The following ADGRL2 variants were observed in gnomAD, a reference collection of about 807,000 sequenced individuals.
The protein encoded by ADGRL2 is calcium-independent alpha-latrotoxin receptor 2.
A neutral mutation model predicts 157.4 loss-of-function variants in ADGRL2; 44 were observed. The ratio of observed to expected loss-of-function variants is 0.28; its 90% CI spans 0.22 to 0.36. The LOEUF (loss-of-function observed/expected upper bound fraction) is 0.36. Among genes scored for constraint, ADGRL2 ranks in the 10% least tolerant of loss-of-function variants. The probability of loss-of-function intolerance (pLI) is 1.00; values close to 1 mark genes in which losing one functional copy is unlikely to be tolerated. For synonymous variants in ADGRL2, 585 were observed against 624.7 expected (o/e 0.94, Z 0.95); for missense variants, 1,510 against 1,768.9 (o/e 0.85, Z 2.63).
intron 3 of ADGRL2, among the ~76,000 whole-genome samples, chr1:81,618,132 A>G (rs2081704853): frequency 6.6e-6 from 1 of 152,186 alleles, no homozygotes; most frequent in Non-Finnish European, 1.5e-5. Context: ...CAGGGAAAGT[A>G]AAACATCATT....
chr1:81,547,969 C>T (rs2080058376), intron 2 of ADGRL2, among the ~76,000 whole-genome samples: 2 of 152,174 alleles, frequency 1.3e-5, no homozygotes, highest in Admixed American at 6.5e-5. Context: ...TTAATTCTTA[C>T]AACAACCCTG....
At chr1:81,607,304 A>G (rs1459446618) in intron 3 of ADGRL2, among the ~76,000 whole-genome samples, 1 of 152,234 alleles carries the variant, frequency 6.6e-6, no homozygotes, top group East Asian at 1.9e-4. Context: ...CAGCAAATGC[A>G]TTAGGCTCTG....
intron 2 of ADGRL2, among the ~76,000 whole-genome samples, chr1:81,840,239 A>G (rs1247029407): frequency 6.6e-6 from 1 of 152,112 alleles, no homozygotes; most frequent in Non-Finnish European, 1.5e-5. Flanking sequence ...TTTCAGTAGA[A>G]ATCAAACATT....
chr1:81,395,014 T>G (rs1175971041), intron 1 of ADGRL2, among the ~76,000 whole-genome samples: 3 of 152,084 alleles, frequency 2.0e-5, no homozygotes, highest in Non-Finnish European at 4.4e-5. Context: ...TTCTCATGCT[T>G]TAGCCTCCCG....
At chr1:81,364,405 T>A (rs2076028769) in intron 1 of ADGRL2, among the ~76,000 whole-genome samples, 1 of 152,166 alleles carries the variant, frequency 6.6e-6, no homozygotes, top group South Asian at 2.1e-4. Flanking sequence ...ACACTGCTTA[T>A]TTTTAATATG....
intron 1 of ADGRL2, among the ~76,000 whole-genome samples, chr1:81,830,270 A>G (rs2091849993): frequency 6.6e-6 from 1 of 152,168 alleles, no homozygotes; most frequent in African/African-American, 2.4e-5. Flanking sequence ...TCCATTAAAA[A>G]TGTGTAGGAA....
At chr1:81,800,854 G>A (rs992642229), upstream of ADGRL2, among the ~76,000 whole-genome samples, 3 of 150,282 alleles carry the variant, frequency 2.0e-5, no homozygotes, top group African/African-American at 7.3e-5. Context: ...CCTGGGGGTA[G>A]GGGGAGCGCG....
Position 81,502,405 on chromosome 1 carries a change from G to A in ADGRL2, c.-248+57316G>A, listed in dbSNP as rs1297403926. On this transcript the variant is annotated intron_variant, in intron 2 of 24. Coordinates refer to the ADGRL2 transcript ENST00000370721. ...GAGAGATCTCTCGAGATTTTGCCAA[G>A]CTGTATGAACTGGACGGTGATCCTG... is the stretch of plus-strand genomic sequence containing the variant. 1.9e-6 allele frequency: 3 copies of A among 1,614,052 alleles called. No homozygotes were observed. In the African/African-American group the frequency reaches 4.0e-5, roughly 22 times the overall value.
chr1:81,407,992 A>AT (rs2076882307), intron 1 of ADGRL2, among the ~76,000 whole-genome samples: 1 of 152,148 alleles, frequency 6.6e-6, no homozygotes, highest in African/African-American at 2.4e-5. Context: ...ACCTCATTGC[A>AT]TTTTTATCTG....
rs974514575 is a variant in ADGRL2, at chr1:81,992,491, T to A, written c.*1346T>A. 3.9e-5 allele frequency: 6 copies of A among 152,542 alleles called. No homozygotes were observed. Among genetic ancestry groups the A allele is most frequent in the Non-Finnish European group, 8.8e-5 (6 of 68,024 alleles). 9.4% of individuals were successfully genotyped at this position (152,542 alleles called of 1,614,324 possible). A position where few individuals can be genotyped will look rare whatever the true frequency, so the allele number is the denominator to read the frequency against. ...ACATGTTGGTCCATTCCCACCTTGG[T>A]TTAAGTAACGTCATACCAAAGTCCA... On this transcript the variant is annotated 3_prime_UTR_variant, in exon 24 of 24. Transcript: ENST00000686636.
At chr1:81,672,246 G>T (rs2082890828) in intron 3 of ADGRL2, among the ~76,000 whole-genome samples, 1 of 152,154 alleles carries the variant, frequency 6.6e-6, no homozygotes, top group African/African-American at 2.4e-5. Context: ...TCCCGGTGTA[G>T]AAAGAGTTTT....
chr1:81,389,600 T>C (rs1036068084), intron 1 of ADGRL2, among the ~76,000 whole-genome samples: 2 of 152,148 alleles, frequency 1.3e-5, no homozygotes, highest in African/African-American at 4.8e-5. Context: ...GAGGCCTGGA[T>C]TGGGAATGGA....
chr1:81,389,826 A>G (rs2076501574), intron 1 of ADGRL2, among the ~76,000 whole-genome samples: 1 of 152,184 alleles, frequency 6.6e-6, no homozygotes, highest in South Asian at 2.1e-4. Flanking sequence ...GACCTACTAT[A>G]AGGCTAAAAA....
At chr1:81,308,373 T>C (rs931808006) in intron 1 of ADGRL2, among the ~76,000 whole-genome samples, 4 of 152,102 alleles carry the variant, frequency 2.6e-5, no homozygotes, top group African/African-American at 9.7e-5. Context: ...GACAATTTCA[T>C]ATTTAAAACG....
In ADGRL2 at chr1:81,836,853, T is replaced by C. The variant is rs1393102288; in HGVS notation, c.-100-32T>C. ...ATTGTTTTGTTATGTAGAAAGACCA[T>C]AGAGTAAGTGATGGATTTGTTTGTT... On this transcript the variant is annotated intron_variant, in intron 1 of 23. Coordinates refer to ENST00000686636, the MANE Select transcript of ADGRL2 (RefSeq NM_001366006.2). 3.5e-6 allele frequency: 2 copies of C among 569,700 alleles called. 1 individual carries two copies. The highest frequency in any genetic ancestry group is 4.7e-5 in the South Asian group (2 of 42,232). 35.3% of individuals were successfully genotyped at this position (569,700 alleles called of 1,614,324 possible). A position where few individuals can be genotyped will look rare whatever the true frequency, so the allele number is the denominator to read the frequency against.
intron 2 of ADGRL2, among the ~76,000 whole-genome samples, chr1:81,902,037 C>A (rs998153347): frequency 6.6e-6 from 1 of 152,086 alleles, no homozygotes; most frequent in South Asian, 2.1e-4. Flanking sequence ...GAAATCAGTA[C>A]ATGAGTGATG....
chr1:81,823,021 T>C (rs999784407), intron 1 of ADGRL2, among the ~76,000 whole-genome samples: 10 of 152,116 alleles, frequency 6.6e-5, no homozygotes, highest in Admixed American at 5.9e-4. Flanking sequence ...TTTTCTGCCT[T>C]ATAGATTGAC....
rs183459469 is a variant in ADGRL2 at position 81,717,323 on chromosome 1, T to C, written c.-143+17515T>C. On this transcript the variant is annotated intron_variant, in intron 1 of 20. Coordinates refer to the ADGRL2 transcript ENST00000359929. ...CTCTCCTTTGGAAAGAGGCACAGCA[T>C]GGCTCCCAAAAGGCCAACTACAAGT... Among the ~76,000 whole-genome samples, 282 of 151,816 alleles carry C rather than the reference T, an allele frequency of 1.9e-3. 2 individuals are homozygous for C. Among genetic ancestry groups the C allele is most frequent in the Non-Finnish European group, 3.6e-3 (241 of 67,762 alleles).
intron 2 of ADGRL2, among the ~76,000 whole-genome samples, chr1:81,469,959 TA>T (rs2078136753): frequency 6.6e-6 from 1 of 152,216 alleles, no homozygotes; most frequent in Non-Finnish European, 1.5e-5. Flanking sequence ...TGTGGACTGA[TA>T]GCCATGCTTA....
Sources: gnomAD v4.1 joint callset for allele counts (sites outside exome capture counted in the v4.1 genomes callset) on GRCh38, gnomAD v4.1.1 for gene constraint, MANE v1.5 for transcripts, NCBI Gene and HGNC (gene_info 2026-07-23, HGNC 2026-07-21) for gene names.